MCOLN2: variants seen among roughly 807,000 people sequenced by gnomAD.
MCOLN2 encodes the protein mucolipin-2.
Under a neutral mutation model 67.5 loss-of-function variants are expected in MCOLN2, and 57 were observed. That is an observed-to-expected ratio of 0.84 (90% CI 0.68 to 1.05). The LOEUF (loss-of-function observed/expected upper bound fraction) is 1.05, where lower values mean the gene tolerates loss of function less well. MCOLN2 is among the 50% of genes least tolerant of loss of function. MCOLN2 has a pLI of 0.00. For missense variants in MCOLN2, 620 were observed against 678.8 expected (o/e 0.91, Z 0.96); for synonymous variants, 246 against 233.3 (o/e 1.05, Z -0.50).
In MCOLN2 at chr1:84,929,656, A is replaced by T; in HGVS notation, c.1566T>A (p.Pro522=). ...TIKKFQQNGF[P]ETDLQEFLKE... is the part of the protein sequence containing the mutation. The stretch of plus-strand genomic sequence containing the variant: ...TCAGGAATTCCTGCAAATCCGTTTC[A>T]GGAAACCCATTCTGTTGGAATTTCT... Residue 522 remains proline, a synonymous_variant, in exon 13 of 14, where the codon CCT becomes CCA. Transcript: ENST00000370608. 1 of 1,613,612 alleles carries T rather than the reference A, an allele frequency of 6.2e-7. No homozygotes were observed. The highest frequency in any genetic ancestry group is 8.5e-7 in the Non-Finnish European group (1 of 1,179,666).
intron 9 of MCOLN2, among the ~76,000 whole-genome samples, chr1:84,938,542 A>G (rs373026448): frequency 5.3e-5 from 8 of 152,360 alleles, no homozygotes; most frequent in Admixed American, 3.9e-4. Context: ...AAAGACAAAC[A>G]CACAAACATG....
intron 11 of MCOLN2, among the ~76,000 whole-genome samples, chr1:84,934,914 T>C (rs1647338927): frequency 6.6e-6 from 1 of 152,166 alleles, no homozygotes; most frequent in African/African-American, 2.4e-5. Flanking sequence ...AACAGGAAGA[T>C]AGGAAGCTGA....
chr1:84,970,250 A>C (rs1571014925), intron 1 of MCOLN2, among the ~76,000 whole-genome samples: 1 of 148,458 alleles, frequency 6.7e-6, no homozygotes. Context: ...CATAGAAACT[A>C]CCCCCCAACT....
rs1332018301 is a variant in MCOLN2, at chr1:84,952,596, GA to G, written c.566-67del. Reference sequence around the variant, plus strand: ...GAATTAGGTGCTAAAACTAATGGGTGAAAGTGTGACAAGAAGCAGGTTACTT... The same window carrying G: ...GAATTAGGTGCTAAAACTAATGGGTGAAGTGTGACAAGAAGCAGGTTACTT... On this transcript the variant is annotated intron_variant, in intron 4 of 13. Transcript: ENST00000370608. 6 of 998,804 alleles carry G rather than the reference GA, an allele frequency of 6.0e-6. No individual in the cohort carries two copies. The African/African-American group carries it at 9.6e-5, about 16-fold the overall frequency. 61.9% of individuals were successfully genotyped at this position (998,804 alleles called of 1,614,324 possible).
chr1:84,974,618 T>C lies in MCOLN2; in HGVS notation c.78-8910A>G, dbSNP rs192153482. ...TGCTAACTGAAGAGCCCTTGGGCAC[T>C]GAATAATCAGCAGCGATACCCAGGT... On this transcript the variant is annotated intron_variant, in intron 1 of 13. Transcript: ENST00000370608. Among the ~76,000 whole-genome samples the C allele has an allele frequency of 3.3e-3, 505 of 152,142 alleles. 3 individuals carry two copies. The highest frequency in any genetic ancestry group is 5.9e-3 in the Non-Finnish European group (403 of 68,006).
At position 84,965,560 on chromosome 1, in the gene MCOLN2, C is replaced by G. The variant is rs1477106286; in HGVS notation, c.226G>C (p.Val76Leu). 1.2e-6 allele frequency: 2 copies of G among 1,613,710 alleles called. No individual in the cohort carries two copies. Among genetic ancestry groups the G allele is most frequent in the Non-Finnish European group, 1.7e-6 (2 of 1,179,886 alleles). Residue 76 changes from valine (V) to leucine (L), a missense_variant, in exon 2 of 14, where the codon GTC becomes CTC. Val to Leu is a conservative substitution (Grantham distance 32, BLOSUM62 1). Coordinates refer to ENST00000370608, the MANE Select transcript of MCOLN2 (RefSeq NM_153259.4). ...ATAAGATAGGTTACCTGTGTGGTGACCATGACTATCTTCAAAATCTGCAAA... is the reference window on the plus strand; with the variant it reads ...ATAAGATAGGTTACCTGTGTGGTGAGCATGACTATCTTCAAAATCTGCAAA... ...LGLQILKIVM[V>L]TTQLVRFGLS... is the part of the protein sequence containing the mutation.
intron 1 of MCOLN2, 84 bp downstream of exon 1, chr1:84,996,712 C>A: frequency 1.6e-6 from 2 of 1,225,612 alleles, no homozygotes; most frequent in Non-Finnish European, 2.4e-6. Context: ...AGCAAGCAAG[C>A]TCTAGTCTAC....
chr1:84,992,766 T>C (rs1650953525), intron 1 of MCOLN2, among the ~76,000 whole-genome samples: 1 of 152,238 alleles, frequency 6.6e-6, no homozygotes, highest in African/African-American at 2.4e-5. Context: ...AAAACCACCT[T>C]AATTTAAAAG....
chr1:84,985,798 C>T (rs983648731), intron 1 of MCOLN2, among the ~76,000 whole-genome samples: 4 of 152,274 alleles, frequency 2.6e-5, no homozygotes, highest in African/African-American at 9.6e-5. Flanking sequence ...ATAGATGACA[C>T]AAACAAATGG....
chr1:84,994,250 T>C (rs1036881320), intron 1 of MCOLN2, among the ~76,000 whole-genome samples: 3 of 152,216 alleles, frequency 2.0e-5, no homozygotes, highest in Admixed American at 6.5e-5. Context: ...ATTTTTGGAA[T>C]GGTAAATGAG....
At chr1:84,978,398 T>C (rs894866865) in intron 1 of MCOLN2, among the ~76,000 whole-genome samples, 1 of 127,514 alleles carries the variant, frequency 7.8e-6, no homozygotes, top group Non-Finnish European at 1.7e-5. Flanking sequence ...CAGAAATAAA[T>C]GAAACTGAAA....
intron 2 of MCOLN2, among the ~76,000 whole-genome samples, chr1:84,960,280 T>C (rs1309179812): frequency 2.0e-5 from 3 of 152,230 alleles, no homozygotes; most frequent in Non-Finnish European, 4.4e-5. Flanking sequence ...TATTCCATTT[T>C]ACATACGTGC....
intron 6 of MCOLN2, among the ~76,000 whole-genome samples, chr1:84,947,681 T>A (rs1648190505): frequency 1.3e-5 from 2 of 152,098 alleles, no homozygotes; most frequent in Admixed American, 1.3e-4. Context: ...TGCCCCAGAG[T>A]GGAAGCACAC....
intron 11 of MCOLN2, among the ~76,000 whole-genome samples, chr1:84,932,099 T>C (rs1647215846): frequency 6.6e-6 from 1 of 152,004 alleles, no homozygotes; most frequent in Non-Finnish European, 1.5e-5. Flanking sequence ...CCCACAGTTT[T>C]TCCCTATGTA....
chr1:84,968,932 C>T (rs1649517263), intron 1 of MCOLN2, among the ~76,000 whole-genome samples: 1 of 152,212 alleles, frequency 6.6e-6, no homozygotes, highest in Non-Finnish European at 1.5e-5. Context: ...TTCCCTCATG[C>T]AGTCTATTAG....
At chr1:84,928,040 C>A (rs936354698) in intron 13 of MCOLN2, among the ~76,000 whole-genome samples, 5 of 152,204 alleles carry the variant, frequency 3.3e-5, no homozygotes, top group Admixed American at 2.0e-4. Context: ...GCCCTTCATT[C>A]ACTCTGCAGG....
At chr1:84,928,431 TG>T (rs1201963090) in intron 13 of MCOLN2, among the ~76,000 whole-genome samples, 1 of 152,230 alleles carries the variant, frequency 6.6e-6, no homozygotes, top group African/African-American at 2.4e-5. Context: ...TCCATAGGGC[TG>T]CATGACAAAA....
chr1:84,972,896 T>TC (rs1229260529), intron 1 of MCOLN2, among the ~76,000 whole-genome samples: 1 of 152,160 alleles, frequency 6.6e-6, no homozygotes, highest in Non-Finnish European at 1.5e-5. Flanking sequence ...TCAGTGATGG[T>TC]ATTTTGTCAG....
chr1:84,965,644 A>G lies in MCOLN2; in HGVS notation c.142T>C (p.Tyr48His), dbSNP rs775389565. Reference protein sequence around the residue: ...EECLREDLKFYFMSPCEKYRA... With the variant: ...EECLREDLKFHFMSPCEKYRA... ...TATTTTTCACAAGGGCTCATGAAGT[A>G]AAACTTCAGGTCTTCCCTTAGACAT... The change falls in exon 2 of 14, where the codon TAC (tyrosine) becomes CAC (histidine). Residue 48 changes from tyrosine to histidine, a missense_variant. Physicochemically the swap from Tyr to His is moderately conservative, Grantham distance 83. Transcript: ENST00000370608. 6.2e-7 allele frequency: 1 copy of G among 1,613,776 alleles called. No individual in the cohort carries two copies. Among genetic ancestry groups the G allele is most frequent in the African/African-American group, 1.3e-5 (1 of 74,924 alleles).
Sources: allele counts gnomAD v4.1 joint callset (sites outside exome capture counted in the v4.1 genomes callset), GRCh38; gene constraint gnomAD v4.1.1; transcripts MANE v1.5; gene names NCBI Gene and HGNC (gene_info 2026-07-23, HGNC 2026-07-21).